The following SELENOI variants were observed in gnomAD, a reference collection of about 807,000 sequenced individuals.
The protein encoded by SELENOI is ethanolaminephosphotransferase 1.
In SELENOI, 24 loss-of-function variants were observed where a neutral mutation model predicts 50.7. The observed-to-expected ratio is 0.47, with a 90% CI of 0.34 to 0.67. The LOEUF (loss-of-function observed/expected upper bound fraction) is 0.67, where lower values mean the gene tolerates loss of function less well. SELENOI is among the 30% of genes least tolerant of loss of function. The pLI is 0.01. For missense variants in SELENOI, 352 were observed against 461.4 expected (o/e 0.76, Z 2.17); for synonymous variants, 155 against 170.2 (o/e 0.91, Z 0.70).
At position 26,393,552 on chromosome 2, in the gene SELENOI, C is replaced by T. The variant is rs1455540850; in HGVS notation, c.*4449C>T. On this transcript the variant is annotated 3_prime_UTR_variant, in exon 10 of 10. Coordinates refer to ENST00000260585, the MANE Select transcript of SELENOI (RefSeq NM_033505.4). ...GCCAGGATCCCAGAATTGGAAGGTG[C>T]CACATATACTTTTAGAATATTTTAA... The T allele has an allele frequency of 6.6e-6, 1 of 152,150 alleles. No homozygotes were observed. The highest frequency in any genetic ancestry group is 2.4e-5 in the African/African-American group (1 of 41,416). The allele number at this position is 152,150 out of a possible 1,614,324, so 9.4% of individuals were successfully genotyped here. A position where few individuals can be genotyped will look rare whatever the true frequency, so the allele number is the denominator to read the frequency against.
chr2:26,388,062 A>G lies in SELENOI; in HGVS notation c.1096-943A>G, dbSNP rs1166281213. Among the ~76,000 whole-genome samples the G allele has an allele frequency of 2.0e-5, 3 of 152,214 alleles. No homozygotes were observed. In the East Asian group the frequency reaches 5.8e-4, roughly 29 times the overall value. On this transcript the variant is annotated intron_variant, in intron 9 of 9. Transcript: ENST00000260585. ...CATTTGTTAGAACAAACTAGATACA[A>G]TTGTTAAGGAGAAAAAAGCTGTGAT...
rs1431715104 is a variant in SELENOI, at chr2:26,389,639, G to A, written c.*536G>A. On this transcript the variant is annotated 3_prime_UTR_variant, in exon 10 of 10. Coordinates refer to ENST00000260585, the MANE Select transcript of SELENOI (RefSeq NM_033505.4). ...TCTCTTTCCCCTGAAAATGGCTTTTGTTCTCAAATGATAAGAGAGCTAATA... is the reference window on the plus strand; with the variant it reads ...TCTCTTTCCCCTGAAAATGGCTTTTATTCTCAAATGATAAGAGAGCTAATA... 1 of 153,536 alleles carries A rather than the reference G, an allele frequency of 6.5e-6. No homozygotes were observed. Among genetic ancestry groups the A allele is most frequent in the Non-Finnish European group, 1.5e-5 (1 of 68,678 alleles). The allele number at this position is 153,536 out of a possible 1,614,324, so 9.5% of individuals were successfully genotyped here. A position where few individuals can be genotyped will look rare whatever the true frequency, so the allele number is the denominator to read the frequency against.
At chr2:26,383,694 G>A (rs1055152828) in intron 7 of SELENOI, among the ~76,000 whole-genome samples, 3 of 152,058 alleles carry the variant, frequency 2.0e-5, no homozygotes, top group African/African-American at 7.2e-5. Flanking sequence ...GACCAACATG[G>A]TGAAACCCGT....
Position 26,367,236 on chromosome 2 carries a change from A to G in SELENOI, c.310+16A>G. On this transcript the variant is annotated intron_variant, in intron 4 of 9. Coordinates refer to ENST00000260585, the MANE Select transcript of SELENOI (RefSeq NM_033505.4). ...TACACTCTAGGTAAGGAATTGGTAA[A>G]TACTTACTATAGTCAGTGACTGGTG... 1 of 1,587,408 alleles carries G rather than the reference A, an allele frequency of 6.3e-7. No homozygotes were observed. The highest frequency in any genetic ancestry group is 8.6e-7 in the Non-Finnish European group (1 of 1,162,394).
In SELENOI at chr2:26,393,664, A is replaced by G. The variant is rs1678021215; in HGVS notation, c.*4561A>G. ...GACCATTCACATGGTCTTTCTCTCC[A>G]GAGAATCATTCTTAGAAAGCCAGGC... On this transcript the variant is annotated 3_prime_UTR_variant, in exon 10 of 10. Coordinates refer to ENST00000260585, the MANE Select transcript of SELENOI (RefSeq NM_033505.4). 1 of 152,234 alleles carries G rather than the reference A, an allele frequency of 6.6e-6. No individual in the cohort carries two copies. Among genetic ancestry groups the G allele is most frequent in the Admixed American group, 6.5e-5 (1 of 15,290 alleles). 9.4% of individuals were successfully genotyped at this position (152,234 alleles called of 1,614,324 possible).
chr2:26,366,643 A>G (rs149493227), intron 3 of SELENOI, among the ~76,000 whole-genome samples: 79 of 152,286 alleles, frequency 5.2e-4, no homozygotes, highest in African/African-American at 1.7e-3. Flanking sequence ...GTCTTAGGGG[A>G]AAAAGTGAGC....
At chr2:26,351,053 TTG>T (rs1558409899) in intron 1 of SELENOI, among the ~76,000 whole-genome samples, 1 of 113,822 alleles carries the variant, frequency 8.8e-6, no homozygotes, top group Admixed American at 1.0e-4. Context: ...CACTGTTTGT[TTG>T]TTTTTTTTTT....
At chr2:26,370,498 C>T (rs1286867572) in intron 4 of SELENOI, among the ~76,000 whole-genome samples, 3 of 148,800 alleles carry the variant, frequency 2.0e-5, no homozygotes, top group Non-Finnish European at 3.0e-5. Context: ...CTGACCCCCC[C>T]ACCTCCCTCC....
intron 1 of SELENOI, among the ~76,000 whole-genome samples, chr2:26,352,900 C>T (rs1465366372): frequency 8.7e-5 from 13 of 148,780 alleles, no homozygotes; most frequent in African/African-American, 3.2e-4. Context: ...TTCCTCTTGA[C>T]AAGAATCAGC....
rs1677255687 is a variant in SELENOI, at chr2:26,364,903, G to A, written c.198G>A (p.Leu66=). The change falls in exon 3 of 10, where the codon CTG becomes CTA. Residue 66 remains leucine, a synonymous_variant. Transcript: ENST00000260585. ...SGFLLVVFNF[L]LMAYFDPDFY... is the part of the protein sequence containing the mutation. ...TTCTGCTGGTCGTATTCAATTTTCT[G>A]CTAATGGCATACTTTGATCCTGACT... 6.2e-7 allele frequency: 1 copy of A among 1,609,562 alleles called. No individual in the cohort carries two copies. Among genetic ancestry groups the A allele is most frequent in the Admixed American group, 1.7e-5 (1 of 59,652 alleles).
chr2:26,368,147 A>G (rs542954267), intron 4 of SELENOI, among the ~76,000 whole-genome samples: 57 of 152,332 alleles, frequency 3.7e-4, no homozygotes, highest in Middle Eastern at 3.4e-3. Flanking sequence ...AACCTGCTAC[A>G]TGATTAAATG....
intron 4 of SELENOI, among the ~76,000 whole-genome samples, chr2:26,370,865 TG>T: frequency 7.9e-6 from 1 of 126,910 alleles, no homozygotes; most frequent in African/African-American, 3.1e-5. Flanking sequence ...ACGGGGCGGC[TG>T]GCCAGGCGGG....
At chr2:26,375,769 TA>T (rs1318312456) in intron 6 of SELENOI, among the ~76,000 whole-genome samples, 3 of 151,890 alleles carry the variant, frequency 2.0e-5, no homozygotes, top group African/African-American at 4.8e-5. Context: ...TTTGTAGAAG[TA>T]AAAAGGTATA....
intron 7 of SELENOI, 43 bp from the exon 8 acceptor site, chr2:26,384,916 A>G (rs1677806587): frequency 7.1e-7 from 1 of 1,409,912 alleles, no homozygotes; most frequent in South Asian, 1.3e-5. Flanking sequence ...TGTACAATTT[A>G]TATGTAATAA....
In SELENOI at chr2:26,395,118, G is replaced by A. The variant is rs184373884; in HGVS notation, c.*6015G>A. On this transcript the variant is annotated 3_prime_UTR_variant, in exon 10 of 10. Coordinates refer to ENST00000260585, the MANE Select transcript of SELENOI (RefSeq NM_033505.4). ...AATGTATGTACCATTTATTTTATCT[G>A]GTTGTGTGTGATGTGTGTGTATGCC... 3.3e-5 allele frequency: 5 copies of A among 152,306 alleles called. No homozygotes were observed. The highest frequency in any genetic ancestry group is 5.9e-5 in the Non-Finnish European group (4 of 68,026). The allele number at this position is 152,306 out of a possible 1,614,324, so 9.4% of individuals were successfully genotyped here.
intron 1 of SELENOI, among the ~76,000 whole-genome samples, chr2:26,349,022 T>C (rs1401082702): frequency 2.5e-5 from 3 of 120,294 alleles, no homozygotes; most frequent in Non-Finnish European, 4.8e-5. Flanking sequence ...TTTTTTTTTT[T>C]TTTTTTTTTG....
At chr2:26,357,064 A>AATT (rs1383656536) in intron 1 of SELENOI, among the ~76,000 whole-genome samples, 1 of 146,834 alleles carries the variant, frequency 6.8e-6, no homozygotes, top group African/African-American at 2.7e-5. Context: ...TTAAGTGTAT[A>AATT]ATTTACTGCT....
At chr2:26,374,566 A>ATTTTT (rs34004967) in intron 5 of SELENOI, among the ~76,000 whole-genome samples, 1 of 128,856 alleles carries the variant, frequency 7.8e-6, no homozygotes, top group Admixed American at 7.9e-5. Context: ...AAAAGATTGT[A>ATTTTT]TTTTTTTTTT....
chr2:26,349,678 T>TTG (rs1553335036), intron 1 of SELENOI, among the ~76,000 whole-genome samples: 2 of 150,208 alleles, frequency 1.3e-5, no homozygotes, highest in Admixed American at 6.6e-5. Context: ...TGGTTTTTTT[T>TTG]TTTTTTTTTT....
Sources: allele counts gnomAD v4.1 joint callset (sites outside exome capture counted in the v4.1 genomes callset), GRCh38; gene constraint gnomAD v4.1.1; transcripts MANE v1.5; gene names NCBI Gene and HGNC (gene_info 2026-07-23, HGNC 2026-07-21).